Variants in SCYL3 observed in about 807,000 individuals in gnomAD.
The protein encoded by SCYL3 is protein-associating with the carboxyl-terminal domain of ezrin.
A neutral mutation model predicts 73.8 loss-of-function variants in SCYL3; 35 were observed. The observed-to-expected ratio is 0.47, with a 90% CI of 0.36 to 0.63. The LOEUF is 0.63. Among genes scored for constraint, SCYL3 ranks in the 20% least tolerant of loss-of-function variants. SCYL3 has a pLI of 0.00. For missense variants in SCYL3, 712 were observed against 798.9 expected, an observed-to-expected ratio of 0.89 and a Z score of 1.31; for synonymous variants, 277 against 295.2, an observed-to-expected ratio of 0.94 and a Z score of 0.63.
At position 169,873,729 on chromosome 1, in the gene SCYL3, T is replaced by G; in HGVS notation, c.489A>C (p.Ile163=). ...TPEFLRSIQS[I]RDPASIPPEE... ...CAGGAGGGATAGATGCTGGGTCTCT[T>G]ATTGACTGAATACTCCTCAGAAACT... The change falls in exon 5 of 13, where the codon ATA becomes ATC. Residue 163 remains isoleucine, a synonymous_variant. Transcript: ENST00000367771. 6.2e-7 allele frequency: 1 copy of G among 1,605,574 alleles called. No individual in the cohort carries two copies. The highest frequency in any genetic ancestry group is 8.5e-7 in the Non-Finnish European group (1 of 1,172,700).
intron 10 of SCYL3, among the ~76,000 whole-genome samples, chr1:169,859,450 A>G (rs1558120125): frequency 6.6e-6 from 1 of 152,226 alleles, no homozygotes; most frequent in Non-Finnish European, 1.5e-5. Flanking sequence ...TTAAAAAGAC[A>G]TATGTTGGGT....
chr1:169,870,105 G>A (rs1033493070), intron 6 of SCYL3, 150 bp downstream of exon 6: 3 of 545,158 alleles, frequency 5.5e-6, no homozygotes, highest in East Asian at 6.3e-5. Flanking sequence ...TTTCCTTACT[G>A]TTCTTAGTAT....
In SCYL3 at chr1:169,862,661, G is replaced by A. The variant is rs778108335; in HGVS notation, c.1092C>T (p.Tyr364=). The A allele has an allele frequency of 1.2e-5, 20 of 1,614,114 alleles. No homozygotes were observed. The highest frequency in any genetic ancestry group is 5.3e-5 in the African/African-American group (4 of 75,006). ...RMVLLSHIEA[Y]VEHFTQEQLK... ...GCTGCTCCTGAGTGAAGTGCTCCAC[G>A]TAGGCCTCGATGTGAGACAGCAGCA... Residue 364 remains tyrosine (Y), a synonymous_variant, in exon 10 of 13, where the codon TAC becomes TAT. Transcript: ENST00000367771.
chr1:169,864,608 A>C, intron 8 of SCYL3, 100 bp from the exon 9 acceptor site: 1 of 1,196,934 alleles, frequency 8.4e-7, no homozygotes, highest in East Asian at 2.6e-5. Context: ...ACTTCTATCA[A>C]AGTGATGCAT....
intron 6 of SCYL3, chr1:169,869,249 G>A (rs926621058): frequency 3.7e-6 from 2 of 545,708 alleles, no homozygotes; most frequent in Non-Finnish European, 6.6e-6. Flanking sequence ...CCCCACCCCA[G>A]GTGCCATTCC....
rs200070232 is a variant in SCYL3, at chr1:169,852,777, G to GT, written c.*935dup. ...GAATGGATATTGTGATATTACTTATGTTTTTTTTCCAGCCTTATGCAAAAA... is the reference window on the plus strand; with the variant it reads ...GAATGGATATTGTGATATTACTTATGTTTTTTTTTCCAGCCTTATGCAAAAA... On this transcript the variant is annotated 3_prime_UTR_variant, in exon 13 of 13. Coordinates refer to ENST00000367771, the MANE Select transcript of SCYL3 (RefSeq NM_020423.7). The GT allele has an allele frequency of 1.3e-5, 21 of 1,611,284 alleles. No homozygotes were observed. Among genetic ancestry groups the GT allele is most frequent in the Admixed American group, 1.7e-5 (1 of 59,782 alleles).
chr1:169,878,573 C>A, intron 3 of SCYL3, 61 bp downstream of exon 3: 2 of 1,324,476 alleles, frequency 1.5e-6, no homozygotes, highest in Non-Finnish European at 2.1e-6. Flanking sequence ...TTACCACACA[C>A]ATCACCCTCC....
intron 5 of SCYL3, among the ~76,000 whole-genome samples, chr1:169,872,841 T>A (rs1660509033): frequency 6.6e-6 from 1 of 152,178 alleles, no homozygotes; most frequent in South Asian, 2.1e-4. Flanking sequence ...TTTCTCCCAT[T>A]TGGAATGGCC....
At chr1:169,880,795 T>C (rs1264944994) in intron 2 of SCYL3, among the ~76,000 whole-genome samples, 1 of 146,660 alleles carries the variant, frequency 6.8e-6, no homozygotes, top group Non-Finnish European at 1.5e-5. Flanking sequence ...GGGGTCTCAC[T>C]CTATCTCCTA....
In SCYL3 at chr1:169,850,331, TC is replaced by T; in HGVS notation, c.*3381del. ...TGAAGAAACTAAGAACAAAGTTGTA[TC>T]CTTTCTGGAGAAGGTACTTTCTTTA... On this transcript the variant is annotated 3_prime_UTR_variant, in exon 13 of 13. Transcript: ENST00000367771. 1 of 1,606,920 alleles carries T rather than the reference TC, an allele frequency of 6.2e-7. No homozygotes were observed. Among genetic ancestry groups the T allele is most frequent in the Non-Finnish European group, 8.5e-7 (1 of 1,173,632 alleles).
At position 169,851,650 on chromosome 1, in the gene SCYL3, A is replaced by G; in HGVS notation, c.*2063T>C. 1.3e-6 allele frequency: 1 copy of G among 760,566 alleles called. No individual in the cohort carries two copies. Among genetic ancestry groups the G allele is most frequent in the Non-Finnish European group, 2.1e-6 (1 of 475,792 alleles). The allele number at this position is 760,566 out of a possible 1,614,324, so 47.1% of individuals were successfully genotyped here. A position where few individuals can be genotyped will look rare whatever the true frequency, so the allele number is the denominator to read the frequency against. ...TATTTTGTAAGGAAGAACACAGTAG[A>G]GTGATTTAATCCAGATTATACTAAG... On this transcript the variant is annotated 3_prime_UTR_variant, in exon 13 of 13. Coordinates refer to ENST00000367771, the MANE Select transcript of SCYL3 (RefSeq NM_020423.7).
In SCYL3 at chr1:169,850,203, CTATT is replaced by C; in HGVS notation, c.*3506_*3509del. On this transcript the variant is annotated 3_prime_UTR_variant, in exon 13 of 13. Coordinates refer to ENST00000367771, the MANE Select transcript of SCYL3 (RefSeq NM_020423.7). Reference sequence around the variant, plus strand: ...GGTTAAGGTAGCTCATAAAACTCATCTATTTGTCTTTGCAAGTTGTTGAAATGTT... The same window carrying C: ...GGTTAAGGTAGCTCATAAAACTCATCTGTCTTTGCAAGTTGTTGAAATGTT... 9.1e-7 allele frequency: 1 copy of C among 1,102,904 alleles called. No homozygotes were observed. The highest frequency in any genetic ancestry group is 1.4e-6 in the Non-Finnish European group (1 of 733,598). 68.3% of individuals were successfully genotyped at this position (1,102,904 alleles called of 1,614,324 possible).
chr1:169,870,137 G>T, intron 6 of SCYL3, 118 bp downstream of exon 6: 5 of 704,320 alleles, frequency 7.1e-6, no homozygotes, highest in Non-Finnish European at 1.1e-5. Flanking sequence ...AAGTTACCTG[G>T]TAAGCAAAAG....
chr1:169,861,880 G>A (rs1396248942), intron 10 of SCYL3, among the ~76,000 whole-genome samples: 1 of 152,174 alleles, frequency 6.6e-6, no homozygotes, highest in Non-Finnish European at 1.5e-5. Context: ...AATGACTGGT[G>A]TCTTTCTAAG....
chr1:169,864,306 C>A, intron 9 of SCYL3, 63 bp downstream of exon 9: 2 of 1,600,606 alleles, frequency 1.2e-6, no homozygotes, highest in South Asian at 2.2e-5. Flanking sequence ...TCATCCTGCT[C>A]AAATATGGAC....
intron 1 of SCYL3, among the ~76,000 whole-genome samples, chr1:169,890,612 A>G (rs1662016091): frequency 6.6e-6 from 1 of 152,230 alleles, no homozygotes; most frequent in Non-Finnish European, 1.5e-5. Context: ...CTACCGATCC[A>G]CAACCATCGT....
intron 1 of SCYL3, among the ~76,000 whole-genome samples, chr1:169,891,538 C>T (rs1463428864): frequency 1.3e-5 from 2 of 152,226 alleles, no homozygotes; most frequent in Non-Finnish European, 2.9e-5. Context: ...AGAAGTGTTA[C>T]TTTGAAAGTA....
At chr1:169,893,597 G>A (rs1009838766) in intron 1 of SCYL3, among the ~76,000 whole-genome samples, 191 bp downstream of exon 1, 5 of 151,996 alleles carry the variant, frequency 3.3e-5, no homozygotes, top group Admixed American at 2.6e-4. Flanking sequence ...CAATCAGCAA[G>A]GGGAGGCTGC....
At chr1:169,853,793 C>A (rs751175477) in intron 12 of SCYL3, 21 bp from the exon 13 acceptor site, 3 of 1,612,396 alleles carry the variant, frequency 1.9e-6, no homozygotes, top group South Asian at 2.2e-5. Context: ...ATAAAGCACA[C>A]CAAGAACCCA....
Sources: gnomAD v4.1 joint callset for allele counts (sites outside exome capture counted in the v4.1 genomes callset) on GRCh38, gnomAD v4.1.1 for gene constraint, MANE v1.5 for transcripts, NCBI Gene and HGNC (gene_info 2026-07-23, HGNC 2026-07-21) for gene names.